Variants in PTPN13 observed in about 807,000 individuals in gnomAD.
The protein encoded by PTPN13 is protein tyrosine phosphatase non-receptor type 13, also known as tyrosine-protein phosphatase non-receptor type 13.
PTPN13 carries 191 observed loss-of-function variants against 284.0 expected under a neutral mutation model. That is an observed-to-expected ratio of 0.67 (90% confidence interval 0.60 to 0.76). The LOEUF (loss-of-function observed/expected upper bound fraction) is 0.76. PTPN13 is among the 30% of genes least tolerant of loss of function. PTPN13 has a pLI of 0.00. For missense variants in PTPN13, 2,797 were observed against 2,939.9 expected (o/e 0.95, Z 1.12); for synonymous variants, 986 against 1,022.3 (o/e 0.96, Z 0.68).
chr4:86,782,081 A>G (rs920449233), intron 36 of PTPN13, 120 bp from the exon 37 acceptor site: 6 of 626,576 alleles, frequency 9.6e-6, no homozygotes, highest in Admixed American at 2.9e-5. Flanking sequence ...AATATGAATT[A>G]TTTTTGTGTA....
intron 5 of PTPN13, among the ~76,000 whole-genome samples, chr4:86,693,375 T>C (rs1730240351): frequency 6.6e-6 from 1 of 152,186 alleles, no homozygotes; most frequent in South Asian, 2.1e-4. Context: ...TTCTTCCCTT[T>C]TAATTTTCTG....
At chr4:86,600,432 C>CTTT (rs10588960) in intron 1 of PTPN13, among the ~76,000 whole-genome samples, 5 of 50,414 alleles carry the variant, frequency 9.9e-5, no homozygotes, top group Non-Finnish European at 1.4e-4. Flanking sequence ...TACATAACCA[C>CTTT]TTTTTTTTTT....
At chr4:86,643,896 G>T (rs1049754446) in intron 2 of PTPN13, among the ~76,000 whole-genome samples, 1 of 152,028 alleles carries the variant, frequency 6.6e-6, no homozygotes, top group African/African-American at 2.4e-5. Flanking sequence ...TAACAATGAA[G>T]TTTAAAAATT....
intron 1 of PTPN13, among the ~76,000 whole-genome samples, chr4:86,622,807 A>C (rs1419992962): frequency 6.6e-6 from 1 of 152,106 alleles, no homozygotes; most frequent in African/African-American, 2.4e-5. Flanking sequence ...TATGTTGACT[A>C]TTCTAAATGT....
intron 24 of PTPN13, among the ~76,000 whole-genome samples, chr4:86,764,116 A>G (rs1739013767): frequency 1.3e-5 from 2 of 152,180 alleles, no homozygotes; most frequent in African/African-American, 4.8e-5. Flanking sequence ...TAAACATGAA[A>G]TCCCATTTTA....
rs77422598 is a variant in PTPN13, at chr4:86,705,045, T to G, written c.1195+3244T>G. 2.4e-4 allele frequency among the ~76,000 whole-genome samples: 36 copies of G among 152,218 alleles called. 1 individual carries two copies. In the East Asian group the frequency reaches 7.0e-3, roughly 29 times the overall value. On this transcript the variant is annotated intron_variant, in intron 7 of 47. Coordinates refer to ENST00000411767, the MANE Select transcript of PTPN13 (RefSeq NM_080683.3). Reference sequence around the variant, plus strand: ...TTTCTAAAGGTGAGGTAATTTATGTTGCAAACAAGGCTGGGCGCGGTGGCT... The same window carrying G: ...TTTCTAAAGGTGAGGTAATTTATGTGGCAAACAAGGCTGGGCGCGGTGGCT...
At chr4:86,644,837 A>G (rs540422084) in intron 2 of PTPN13, among the ~76,000 whole-genome samples, 19 of 152,324 alleles carry the variant, frequency 1.2e-4, no homozygotes, top group African/African-American at 4.3e-4. Flanking sequence ...ATGACTAAAA[A>G]AGAAAACTAT....
At chr4:86,665,599 T>C (rs1232323876) in intron 2 of PTPN13, among the ~76,000 whole-genome samples, 2 of 152,300 alleles carry the variant, frequency 1.3e-5, no homozygotes, top group Middle Eastern at 3.4e-3. Context: ...ATGTAATAAG[T>C]AATAAATAGA....
At position 86,771,349 on chromosome 4, in the gene PTPN13, A is replaced by G; in HGVS notation, c.4982A>G (p.Asp1661Gly). 1 of 1,589,834 alleles carries G rather than the reference A, an allele frequency of 6.3e-7. No homozygotes were observed. Among genetic ancestry groups the G allele is most frequent in the South Asian group, 1.1e-5 (1 of 87,124 alleles). The change falls in exon 31 of 48, where the codon GAT (aspartate) becomes GGT (glycine). Residue 1661 changes from aspartate (D) to glycine (G), a missense_variant. Asp to Gly is a moderately conservative substitution (Grantham distance 94). Coordinates refer to ENST00000411767, the MANE Select transcript of PTPN13 (RefSeq NM_080683.3). ...AGTGACAGCAGTGGGAGTGGAGAAG[A>G]TGACTTAGTGACAGCTCCAGCAAAC... is the stretch of plus-strand genomic sequence containing the variant. ...SYSDSSGSGE[D>G]DLVTAPANIS... is the part of the protein sequence containing the mutation.
At chr4:86,776,492 A>G (rs150405053) in intron 35 of PTPN13, among the ~76,000 whole-genome samples, 4 of 152,346 alleles carry the variant, frequency 2.6e-5, no homozygotes, top group East Asian at 1.9e-4. Context: ...CTGTGTACCA[A>G]TTGCGTTATG....
chr4:86,668,858 C>T (rs1044157918), intron 2 of PTPN13, among the ~76,000 whole-genome samples: 10 of 150,714 alleles, frequency 6.6e-5, no homozygotes, highest in African/African-American at 2.0e-4. Context: ...CTGCCCACCT[C>T]AGCCTCCCAA....
chr4:86,795,691 A>G (rs1285238957), intron 40 of PTPN13, among the ~76,000 whole-genome samples: 1 of 152,196 alleles, frequency 6.6e-6, no homozygotes, highest in African/African-American at 2.4e-5. Context: ...CATATACACC[A>G]TGGAATACTA....
chr4:86,615,621 G>A (rs1415092092), intron 1 of PTPN13, among the ~76,000 whole-genome samples: 1 of 152,052 alleles, frequency 6.6e-6, no homozygotes, highest in East Asian at 1.9e-4. Flanking sequence ...ACCTAATATA[G>A]GAAAATCCCT....
chr4:86,731,063 A>G (rs1188020878), intron 10 of PTPN13, among the ~76,000 whole-genome samples: 1 of 152,216 alleles, frequency 6.6e-6, no homozygotes, highest in Non-Finnish European at 1.5e-5. Flanking sequence ...CATGTTACAC[A>G]CTCAATTAAA....
chr4:86,654,137 C>G (rs1725451773), intron 2 of PTPN13, among the ~76,000 whole-genome samples: 1 of 152,046 alleles, frequency 6.6e-6, no homozygotes, highest in African/African-American at 2.4e-5. Context: ...CAAACACATT[C>G]AAAAGCTAGC....
At chr4:86,694,473 G>A (rs895153029) in intron 6 of PTPN13, among the ~76,000 whole-genome samples, 7 of 150,722 alleles carry the variant, frequency 4.6e-5, no homozygotes, top group African/African-American at 7.3e-5. Context: ...CCAGCTACTC[G>A]GGAGGCTGAG....
At chr4:86,647,448 T>C (rs1724572146) in intron 2 of PTPN13, among the ~76,000 whole-genome samples, 1 of 151,578 alleles carries the variant, frequency 6.6e-6, no homozygotes, top group Non-Finnish European at 1.5e-5. Context: ...CTTTAAAAAA[T>C]AATATATGAT....
intron 7 of PTPN13, among the ~76,000 whole-genome samples, chr4:86,714,462 A>G (rs918920967): frequency 1.3e-5 from 2 of 151,518 alleles, no homozygotes; most frequent in African/African-American, 4.8e-5. Flanking sequence ...TCCCACTACC[A>G]TTTGCAACTT....
intron 39 of PTPN13, 143 bp downstream of exon 39, chr4:86,785,511 G>T: frequency 5.2e-6 from 4 of 767,592 alleles, no homozygotes; most frequent in South Asian, 2.8e-5. Flanking sequence ...AACAGAATTT[G>T]TTATCTCCTA....
Sources: allele counts gnomAD v4.1 joint callset (sites outside exome capture counted in the v4.1 genomes callset), GRCh38; gene constraint gnomAD v4.1.1; transcripts MANE v1.5; gene names NCBI Gene and HGNC (gene_info 2026-07-23, HGNC 2026-07-21).